The following XYLT1 variants were observed in gnomAD, a reference collection of about 807,000 sequenced individuals.
XYLT1 encodes the protein beta-D-xylosyltransferase 1.
A neutral mutation model predicts 91.3 loss-of-function variants in XYLT1; 36 were observed. That is an observed-to-expected ratio of 0.39 (90% CI 0.30 to 0.52). XYLT1 has a LOEUF of 0.52. Among genes scored for constraint, XYLT1 ranks in the 20% least tolerant of loss-of-function variants. XYLT1 has a pLI of 0.68. For synonymous variants in XYLT1, 588 were observed against 532.0 expected (o/e 1.11, Z -1.45); for missense variants, 1,242 against 1,284.5 (o/e 0.97, Z 0.51).
intron 2 of XYLT1, among the ~76,000 whole-genome samples, chr16:17,309,053 A>G (rs907893375): frequency 1.3e-5 from 2 of 152,166 alleles, no homozygotes; most frequent in African/African-American, 4.8e-5. Context: ...GCAATCAGAG[A>G]GAGCTAGAAA....
At position 17,456,230 on chromosome 16, in the gene XYLT1, T is replaced by C. The variant is rs541423864; in HGVS notation, c.363+14204A>G. On this transcript the variant is annotated intron_variant, in intron 1 of 11. Coordinates refer to ENST00000261381, the MANE Select transcript of XYLT1 (RefSeq NM_022166.4). ...CGACCTTTTTTTTACAGGCAATAAG[T>C]CACTCTGTACATTCTATGTGGTGGT... Among the ~76,000 whole-genome samples the C allele has an allele frequency of 2.6e-5, 4 of 151,936 alleles. 1 individual carries two copies. In the South Asian group the frequency reaches 8.3e-4, roughly 32 times the overall value.
At chr16:17,155,876 C>T (rs1269959113) in intron 6 of XYLT1, among the ~76,000 whole-genome samples, 1 of 152,080 alleles carries the variant, frequency 6.6e-6, no homozygotes, top group African/African-American at 2.4e-5. Context: ...TACGGATGCA[C>T]ATCAATTATA....
intron 3 of XYLT1, among the ~76,000 whole-genome samples, chr16:17,247,526 G>A (rs983305761): frequency 1.3e-5 from 2 of 152,178 alleles, no homozygotes; most frequent in Non-Finnish European, 2.9e-5. Context: ...TAGACCGATG[G>A]ATTAATGAAA....
chr16:17,458,321 A>T (rs578142636), intron 1 of XYLT1, among the ~76,000 whole-genome samples: 198 of 152,314 alleles, frequency 1.3e-3, no homozygotes, highest in African/African-American at 4.6e-3. Context: ...CCCATTCATC[A>T]TGCTAATTTC....
At chr16:17,401,773 G>A (rs1478525699) in intron 1 of XYLT1, among the ~76,000 whole-genome samples, 3 of 151,686 alleles carry the variant, frequency 2.0e-5, no homozygotes, top group Non-Finnish European at 4.4e-5. Context: ...AACATTTATG[G>A]AATGTTTCTT....
intron 1 of XYLT1, among the ~76,000 whole-genome samples, chr16:17,456,459 T>C (rs2036744622): frequency 6.8e-6 from 1 of 146,886 alleles, no homozygotes; most frequent in Non-Finnish European, 1.5e-5. Flanking sequence ...CACCTCAGCC[T>C]CCCAAGTAGC....
chr16:17,368,606 A>ACAGGGTCTT (rs1364480940), intron 1 of XYLT1, among the ~76,000 whole-genome samples: 3 of 146,766 alleles, frequency 2.0e-5, no homozygotes, highest in Non-Finnish European at 4.5e-5. Context: ...AAAAAAAACG[A>ACAGGGTCTT]CAGGGTCTTG....
intron 9 of XYLT1, among the ~76,000 whole-genome samples, chr16:17,129,324 T>A (rs970740540): frequency 3.3e-5 from 5 of 152,092 alleles, no homozygotes. Context: ...TGCAGTGGCA[T>A]GATCTTGGCT....
chr16:17,185,844 T>C (rs886516362), intron 5 of XYLT1, among the ~76,000 whole-genome samples: 1 of 151,996 alleles, frequency 6.6e-6, no homozygotes, highest in Non-Finnish European at 1.5e-5. Context: ...CTACTAAAAA[T>C]ACAAAAATCA....
At chr16:17,382,257 C>T (rs2035691737) in intron 1 of XYLT1, among the ~76,000 whole-genome samples, 2 of 151,798 alleles carry the variant, frequency 1.3e-5, no homozygotes, top group South Asian at 2.1e-4. Flanking sequence ...CACAGGTACA[C>T]GGAGAGCTCC....
At chr16:17,124,459 T>C (rs911446253) in intron 10 of XYLT1, among the ~76,000 whole-genome samples, 5 of 152,206 alleles carry the variant, frequency 3.3e-5, no homozygotes, top group Non-Finnish European at 7.3e-5. Flanking sequence ...TGGCTTGTAG[T>C]GTTTCTGCTG....
intron 1 of XYLT1, among the ~76,000 whole-genome samples, chr16:17,410,714 C>T (rs1480766971): frequency 6.8e-6 from 1 of 146,946 alleles, no homozygotes. Context: ...GTGATCTTGG[C>T]TCACTGCAAC....
chr16:17,336,424 G>T (rs2141842842), intron 2 of XYLT1, among the ~76,000 whole-genome samples: 1 of 152,320 alleles, frequency 6.6e-6, no homozygotes, highest in Admixed American at 6.5e-5. Flanking sequence ...CACGGTCAGG[G>T]GAGATGGAGA....
At chr16:17,165,822 T>G (rs901698012) in intron 5 of XYLT1, among the ~76,000 whole-genome samples, 1 of 152,238 alleles carries the variant, frequency 6.6e-6, no homozygotes, top group Non-Finnish European at 1.5e-5. Flanking sequence ...TTTTCACATG[T>G]GGGCATGATA....
chr16:17,304,607 C>A (rs1012248980), intron 2 of XYLT1, among the ~76,000 whole-genome samples: 1 of 152,118 alleles, frequency 6.6e-6, no homozygotes, highest in Non-Finnish European at 1.5e-5. Context: ...TGTAAGCCTA[C>A]GTCCAAAAGC....
intron 1 of XYLT1, among the ~76,000 whole-genome samples, chr16:17,386,356 T>G (rs985353733): frequency 6.6e-6 from 1 of 152,126 alleles, no homozygotes; most frequent in Admixed American, 6.6e-5. Flanking sequence ...ATTTACACAA[T>G]AAGCTCAAAA....
chr16:17,262,432 C>A (rs1384728305), intron 2 of XYLT1, among the ~76,000 whole-genome samples: 1 of 152,130 alleles, frequency 6.6e-6, no homozygotes, highest in Non-Finnish European at 1.5e-5. Flanking sequence ...TTGTGTTTTG[C>A]TGAGAAGTAA....
intron 2 of XYLT1, among the ~76,000 whole-genome samples, chr16:17,300,763 G>T (rs945062279): frequency 6.6e-6 from 1 of 151,916 alleles, no homozygotes; most frequent in African/African-American, 2.4e-5. Flanking sequence ...CCAGCCTAAT[G>T]CAGCTATTAA....
intron 2 of XYLT1, among the ~76,000 whole-genome samples, chr16:17,306,787 G>A (rs1251406507): frequency 6.6e-6 from 1 of 152,028 alleles, no homozygotes; most frequent in Non-Finnish European, 1.5e-5. Flanking sequence ...TATCCCCTTG[G>A]GAATTTTGAG....
Sources: gnomAD v4.1 joint callset for allele counts (sites outside exome capture counted in the v4.1 genomes callset) on GRCh38, gnomAD v4.1.1 for gene constraint, MANE v1.5 for transcripts, NCBI Gene and HGNC (gene_info 2026-07-23, HGNC 2026-07-21) for gene names.